The following OXNAD1 variants were observed in gnomAD, a reference collection of about 807,000 sequenced individuals.
OXNAD1 encodes the protein oxidoreductase NAD-binding domain-containing protein 1.
A neutral mutation model predicts 32.9 loss-of-function variants in OXNAD1; 34 were observed. That is an observed-to-expected ratio of 1.03 (90% CI 0.79 to 1.38). OXNAD1 has a LOEUF of 1.38. Among genes scored for constraint, OXNAD1 ranks in the 40% most tolerant of loss-of-function variants. The pLI is 0.00. For synonymous variants in OXNAD1, 134 were observed against 135.2 expected (o/e 0.99, Z 0.06); for missense variants, 407 against 379.4 (o/e 1.07, Z -0.60).
chr3:16,317,050 G>A lies in OXNAD1; in HGVS notation c.*30+13458G>A, dbSNP rs765308367. On this transcript the variant is annotated intron_variant, in intron 9 of 9. Coordinates refer to the OXNAD1 transcript ENST00000435829. This position sits in a 1 kb window ranked among gnomAD's most constrained non-coding sequence, Gnocchi z 4.3. ...CTTGGACAGGGCCCTTCATCTCCTC[G>A]GAGACTCCACCCTCCTGCTGCTGTC... 3.6e-5 allele frequency: 58 copies of A among 1,613,466 alleles called. No individual in the cohort carries two copies. Among genetic ancestry groups the A allele is most frequent in the Middle Eastern group, 3.3e-4 (2 of 6,082 alleles).
chr3:16,340,661 C>T (rs1405328431), downstream of OXNAD1, among the ~76,000 whole-genome samples: 1 of 152,212 alleles, frequency 6.6e-6, no homozygotes, highest in Non-Finnish European at 1.5e-5. Context: ...TTCAAAGTTA[C>T]CTTGTCTTTA....
chr3:16,307,901 GCA>G (rs2067679133), downstream of OXNAD1, among the ~76,000 whole-genome samples: 1 of 152,008 alleles, frequency 6.6e-6, no homozygotes, highest in African/African-American at 2.4e-5. Context: ...TACTATTAAA[GCA>G]CAGTTTGTTC....
rs961718673 is a variant in OXNAD1 at position 16,336,355 on chromosome 3, C to A, written c.*31-757C>A. 1.3e-5 allele frequency among the ~76,000 whole-genome samples: 2 copies of A among 152,114 alleles called. No homozygotes were observed. The highest frequency in any genetic ancestry group is 1.3e-4 in the Admixed American group (2 of 15,284). ...GGAGAACAAGCACATGGTTCCCATCCAGTGGAGCCCATGGAGGTGAGGTGG... is the reference window on the plus strand; with the variant it reads ...GGAGAACAAGCACATGGTTCCCATCAAGTGGAGCCCATGGAGGTGAGGTGG... On this transcript the variant is annotated intron_variant, in intron 9 of 9. Coordinates refer to the OXNAD1 transcript ENST00000435829. This position sits in a 1 kb window ranked among gnomAD's most constrained non-coding sequence, Gnocchi z 6.0.
chr3:16,342,612 T>C lies in OXNAD1; in HGVS notation c.*31-6564T>C, dbSNP rs1451171794. Among the ~76,000 whole-genome samples, 1 of 152,186 alleles carries C rather than the reference T, an allele frequency of 6.6e-6. No individual in the cohort carries two copies. The highest frequency in any genetic ancestry group is 2.4e-5 in the African/African-American group (1 of 41,428). ...TTGGGAAAGTGTCCATGGATCACTTTTATAAAAATAAAAAAAGTTATAAGA... is the reference window on the plus strand; with the variant it reads ...TTGGGAAAGTGTCCATGGATCACTTCTATAAAAATAAAAAAAGTTATAAGA... On this transcript the variant is annotated intron_variant, in intron 9 of 9. Coordinates refer to the OXNAD1 transcript ENST00000606098. This position sits in a 1 kb window ranked among gnomAD's most constrained non-coding sequence, Gnocchi z 4.0.
At chr3:16,333,894 G>A (rs2070585314) in intron 9 of OXNAD1, among the ~76,000 whole-genome samples, 1 of 152,206 alleles carries the variant, frequency 6.6e-6, no homozygotes. Context: ...AGCCGGGCGT[G>A]GTGGCTCACG....
intron 2 of OXNAD1, 55 bp from the exon 3 acceptor site, chr3:16,270,890 A>C: frequency 6.2e-7 from 1 of 1,609,298 alleles, no homozygotes; most frequent in Non-Finnish European, 8.5e-7. Flanking sequence ...AAATAGTCTG[A>C]TATTTCCCCA....
chr3:16,332,884 C>T (rs1232822353), intron 9 of OXNAD1, among the ~76,000 whole-genome samples: 1 of 152,154 alleles, frequency 6.6e-6, no homozygotes, highest in Non-Finnish European at 1.5e-5. Flanking sequence ...TTCTTGGTAG[C>T]TATGTTCTGT....
chr3:16,269,495 T>C (rs1337284660), intron 2 of OXNAD1, among the ~76,000 whole-genome samples: 1 of 152,268 alleles, frequency 6.6e-6, no homozygotes, highest in Non-Finnish European at 1.5e-5. Context: ...AGACTAGTTA[T>C]GAAGCAGTGA....
At chr3:16,349,016 A>C (rs2071916462) in intron 9 of OXNAD1, among the ~76,000 whole-genome samples, 1 of 152,216 alleles carries the variant, frequency 6.6e-6, no homozygotes, top group East Asian at 1.9e-4. Flanking sequence ...ACAGGGTCAA[A>C]GTTTCAGATC....
chr3:16,273,452 G>A (rs906845671), intron 4 of OXNAD1, among the ~76,000 whole-genome samples: 7 of 150,118 alleles, frequency 4.7e-5, no homozygotes, highest in Admixed American at 3.3e-4. Context: ...TGGGTACAGG[G>A]GTACAGTCAT....
intron 4 of OXNAD1, among the ~76,000 whole-genome samples, 172 bp from the exon 5 acceptor site, chr3:16,286,170 G>A (rs571027809): frequency 9.2e-5 from 14 of 152,326 alleles, no homozygotes; most frequent in African/African-American, 3.1e-4. Flanking sequence ...TAATTAAAAT[G>A]TATTCACATG....
chr3:16,293,498 C>A (rs968806139), intron 5 of OXNAD1, among the ~76,000 whole-genome samples: 1 of 152,152 alleles, frequency 6.6e-6, no homozygotes, highest in African/African-American at 2.4e-5. Context: ...CCTTTTATTT[C>A]ATTTTCTTGT....
chr3:16,329,642 A>C lies in OXNAD1; in HGVS notation c.*31-7470A>C, dbSNP rs2070102885. Reference sequence around the variant, plus strand: ...GGAGTCCTGAGGCTGCTTTATCCTGAGAATCCCTGCCCCCATCCCCGTATT... The same window carrying C: ...GGAGTCCTGAGGCTGCTTTATCCTGCGAATCCCTGCCCCCATCCCCGTATT... On this transcript the variant is annotated intron_variant, in intron 9 of 9. Transcript: ENST00000435829. The surrounding 1 kb of genome is among the most constrained non-coding windows in gnomAD (Gnocchi z 4.5). Among the ~76,000 whole-genome samples the C allele has an allele frequency of 6.6e-6, 1 of 152,172 alleles. No individual in the cohort carries two copies. The highest frequency in any genetic ancestry group is 2.4e-5 in the African/African-American group (1 of 41,434).
chr3:16,274,200 A>G (rs2065165507), intron 4 of OXNAD1, among the ~76,000 whole-genome samples: 1 of 151,118 alleles, frequency 6.6e-6, no homozygotes, highest in East Asian at 1.9e-4. Flanking sequence ...GATATCAACT[A>G]TGATTTCTAA....
chr3:16,273,144 A>T (rs959638336), intron 4 of OXNAD1, among the ~76,000 whole-genome samples: 4 of 152,178 alleles, frequency 2.6e-5, no homozygotes, highest in Admixed American at 2.6e-4. Flanking sequence ...TACAAGACCA[A>T]TTAATTTTAA....
intron 1 of OXNAD1, among the ~76,000 whole-genome samples, chr3:16,266,326 T>C (rs111461081): frequency 5.0e-4 from 76 of 152,318 alleles, no homozygotes; most frequent in African/African-American, 1.6e-3. Context: ...CCCTGTGCAC[T>C]TTTGAAGAAA....
At position 16,346,996 on chromosome 3, in the gene OXNAD1, T is replaced by C. The variant is rs774895613; in HGVS notation, c.*31-2180T>C. On this transcript the variant is annotated intron_variant, in intron 9 of 9. Coordinates refer to the OXNAD1 transcript ENST00000606098. This position sits in a 1 kb window ranked among gnomAD's most constrained non-coding sequence, Gnocchi z 4.4. ...CCCCTACGGCTTAAGCCACTTTTAGTTGGATTTCCTGCTATGAACGGTGGA... is the reference window on the plus strand; with the variant it reads ...CCCCTACGGCTTAAGCCACTTTTAGCTGGATTTCCTGCTATGAACGGTGGA... Among the ~76,000 whole-genome samples the C allele has an allele frequency of 6.6e-6, 1 of 152,230 alleles. No individual in the cohort carries two copies. Among genetic ancestry groups the C allele is most frequent in the Non-Finnish European group, 1.5e-5 (1 of 68,030 alleles).
downstream of OXNAD1, among the ~76,000 whole-genome samples, chr3:16,308,529 C>T (rs1034146765): frequency 6.6e-6 from 1 of 152,020 alleles, no homozygotes; most frequent in South Asian, 2.1e-4. This position sits in a 1 kb window ranked among gnomAD's most constrained non-coding sequence, Gnocchi z 4.4. Flanking sequence ...ATAATTTAAC[C>T]TGAGAGCCGT....
intron 9 of OXNAD1, among the ~76,000 whole-genome samples, chr3:16,347,173 T>A (rs908274553): frequency 5.3e-5 from 8 of 152,152 alleles, no homozygotes; most frequent in African/African-American, 1.9e-4. Flanking sequence ...CTTCAACCCA[T>A]TGCAAAAATC....
Sources: allele counts gnomAD v4.1 joint callset (sites outside exome capture counted in the v4.1 genomes callset), GRCh38; gene constraint gnomAD v4.1.1; non-coding constraint Gnocchi (gnomAD v3.1); transcripts MANE v1.5; gene names NCBI Gene and HGNC (gene_info 2026-07-23, HGNC 2026-07-21).